The following PAX2 variants were observed in gnomAD, a reference collection of about 807,000 sequenced individuals.
The protein encoded by PAX2 is paired box 2, also known as paired box protein Pax-2.
PAX2 carries 9 observed loss-of-function variants against 41.7 expected under a neutral mutation model. The observed-to-expected ratio is 0.22, with a 90% CI of 0.13 to 0.38. The LOEUF (loss-of-function observed/expected upper bound fraction) is 0.38, where lower values mean the gene tolerates loss of function less well. PAX2 is among the 10% of genes least tolerant of loss of function. The probability of loss-of-function intolerance (pLI) is 1.00; values close to 1 mark genes in which losing one functional copy is unlikely to be tolerated. For synonymous variants in PAX2, 221 were observed against 212.7 expected, an observed-to-expected ratio of 1.04 and a Z score of -0.34; for missense variants, 418 against 531.6, an observed-to-expected ratio of 0.79 and a Z score of 2.10.
At chr10:100,807,995 C>T (rs916263465) in intron 6 of PAX2, among the ~76,000 whole-genome samples, 1 of 152,134 alleles carries the variant, frequency 6.6e-6, no homozygotes, top group Non-Finnish European at 1.5e-5. Context: ...AGGAGCTGGC[C>T]GAGGCGGGCG....
In PAX2 at chr10:100,829,024, A is replaced by AG. The variant is rs965980510; in HGVS notation, c.*1412dup. On this transcript the variant is annotated 3_prime_UTR_variant, in exon 10 of 10. Coordinates refer to ENST00000355243, the MANE Select transcript of PAX2 (RefSeq NM_000278.5). ...GAGAGTCGCCGCTCGCTGGGGGGGA[A>AG]GGGGGGGACACAGCTACACGCCCAT... 1.0e-5 allele frequency: 2 copies of AG among 195,072 alleles called. No individual in the cohort carries two copies. The highest frequency in any genetic ancestry group is 2.1e-5 in the Non-Finnish European group (2 of 95,298). 12.1% of individuals were successfully genotyped at this position (195,072 alleles called of 1,614,324 possible). A position where few individuals can be genotyped will look rare whatever the true frequency, so the allele number is the denominator to read the frequency against.
At position 100,748,428 on chromosome 10, in the gene PAX2, C is replaced by G. The variant is rs768039697; in HGVS notation, c.44-1318C>G. 1 of 985,162 alleles carries G rather than the reference C, an allele frequency of 1.0e-6. No homozygotes were observed. The highest frequency in any genetic ancestry group is 1.2e-6 in the Non-Finnish European group (1 of 829,864). The allele number at this position is 985,162 out of a possible 1,614,324, so 61.0% of individuals were successfully genotyped here. ...TTCACCGAGCTTGCTCTAGGTACCC[C>G]CCGAGAAAGGGAGGGGAGAGAAATG... On this transcript the variant is annotated intron_variant, in intron 1 of 9. Transcript: ENST00000355243. The surrounding 1 kb of genome is among the most constrained non-coding windows in gnomAD (Gnocchi z 5.0).
chr10:100,764,584 G>GA (rs1845954595), intron 3 of PAX2, among the ~76,000 whole-genome samples: 1 of 152,052 alleles, frequency 6.6e-6, no homozygotes, highest in African/African-American at 2.4e-5. Context: ...TGTATTTCCA[G>GA]AAAAAAAGAC....
At chr10:100,808,526 C>T (rs529761455) in intron 6 of PAX2, among the ~76,000 whole-genome samples, 1 of 152,330 alleles carries the variant, frequency 6.6e-6, no homozygotes, top group South Asian at 2.1e-4. Context: ...AGGCAGGACA[C>T]CCTTTCAGAG....
chr10:100,795,765 G>T (rs577314675), intron 5 of PAX2, among the ~76,000 whole-genome samples: 1 of 152,312 alleles, frequency 6.6e-6, no homozygotes, highest in African/African-American at 2.4e-5. Flanking sequence ...TTAGGGTCCT[G>T]TGTGGACCTG....
At chr10:100,798,481 A>G (rs1353976121) in intron 5 of PAX2, among the ~76,000 whole-genome samples, 1 of 151,962 alleles carries the variant, frequency 6.6e-6, no homozygotes, top group African/African-American at 2.4e-5. Context: ...CTGAATGTCC[A>G]GTTTAAAGAT....
intron 5 of PAX2, among the ~76,000 whole-genome samples, chr10:100,788,782 C>G (rs769112583): frequency 6.6e-6 from 1 of 151,994 alleles, no homozygotes; most frequent in Non-Finnish European, 1.5e-5. Context: ...GGAGACTTGG[C>G]GAGGTTGCAC....
intron 7 of PAX2, among the ~76,000 whole-genome samples, chr10:100,817,402 C>G (rs1184310442): frequency 6.6e-6 from 1 of 152,238 alleles, no homozygotes; most frequent in Non-Finnish European, 1.5e-5. Context: ...AGCTGCATTT[C>G]CATCCATGGT....
At chr10:100,793,049 G>A (rs996532683) in intron 5 of PAX2, among the ~76,000 whole-genome samples, 11 of 152,200 alleles carry the variant, frequency 7.2e-5, no homozygotes, top group African/African-American at 1.9e-4. Context: ...GTAATTTTTC[G>A]CCTTGCTTGT....
chr10:100,810,040 C>G (rs1228972189), intron 7 of PAX2, among the ~76,000 whole-genome samples: 1 of 152,068 alleles, frequency 6.6e-6, no homozygotes, highest in Admixed American at 6.6e-5. Context: ...TATTAAAATT[C>G]ACCTAATTAT....
intron 5 of PAX2, among the ~76,000 whole-genome samples, chr10:100,805,092 C>T (rs1256504836): frequency 6.7e-6 from 1 of 148,776 alleles, no homozygotes; most frequent in Admixed American, 6.7e-5. Context: ...TGCTTTCCCA[C>T]CCCCTCCAGA....
At chr10:100,785,103 G>A (rs1208085403) in intron 5 of PAX2, among the ~76,000 whole-genome samples, 6 of 152,222 alleles carry the variant, frequency 3.9e-5, no homozygotes, top group Non-Finnish European at 2.9e-5. Context: ...GGGCATGTTA[G>A]TGCTGGATTC....
Position 100,745,668 on chromosome 10 carries a change from C to G in PAX2, c.-593C>G, listed in dbSNP as rs1376730895. 2.1e-5 allele frequency: 18 copies of G among 845,862 alleles called. No individual in the cohort carries two copies. The highest frequency in any genetic ancestry group is 2.6e-5 in the Non-Finnish European group (18 of 691,332). The allele number at this position is 845,862 out of a possible 1,614,324, so 52.4% of individuals were successfully genotyped here. On this transcript the variant is annotated 5_prime_UTR_variant, in exon 1 of 10. Coordinates refer to ENST00000355243, the MANE Select transcript of PAX2 (RefSeq NM_000278.5). ...GCCGCTCGGCTCCCTCCCTCCCTCC[C>G]GGCCCTTCGGCCGCGGCGGCGTGCG...
intron 3 of PAX2, among the ~76,000 whole-genome samples, chr10:100,767,908 G>A (rs544292538): frequency 9.9e-5 from 15 of 152,250 alleles, no homozygotes; most frequent in Non-Finnish European, 1.6e-4. Flanking sequence ...AATGGAAGGA[G>A]ACTGAAGACA....
intron 7 of PAX2, among the ~76,000 whole-genome samples, chr10:100,819,203 GCA>G (rs1848293162): frequency 6.7e-6 from 1 of 150,364 alleles, no homozygotes; most frequent in Non-Finnish European, 1.5e-5. Flanking sequence ...AGTGGAGATT[GCA>G]CCACTGCACT....
intron 1 of PAX2, among the ~76,000 whole-genome samples, chr10:100,736,858 C>T (rs1307634953): frequency 1.3e-5 from 2 of 152,096 alleles, no homozygotes; most frequent in Non-Finnish European, 2.9e-5. Flanking sequence ...TTAATTATGG[C>T]AAAATTAAAA....
chr10:100,739,662 C>G (rs1296543415), intron 1 of PAX2, among the ~76,000 whole-genome samples: 2 of 152,222 alleles, frequency 1.3e-5, no homozygotes, highest in Non-Finnish European at 2.9e-5. Flanking sequence ...GCCCTGCTCT[C>G]CGTTCCCTTT....
At position 100,750,863 on chromosome 10, in the gene PAX2, A is replaced by G. The variant is rs753208205; in HGVS notation, c.382A>G (p.Thr128Ala). The G allele has an allele frequency of 4.3e-6, 7 of 1,613,588 alleles. No homozygotes were observed. Among genetic ancestry groups the G allele is most frequent in the Non-Finnish European group, 5.1e-6 (6 of 1,179,832 alleles). The change falls in exon 3 of 10, where the codon ACA becomes GCA. Residue 128 changes from threonine (T) to alanine (A), a missense_variant. Thr to Ala is a moderately conservative substitution (Grantham distance 58). Coordinates refer to ENST00000355243, the MANE Select transcript of PAX2 (RefSeq NM_000278.5). The surrounding 1 kb of genome is among the most constrained non-coding windows in gnomAD (Gnocchi z 4.1). Reference sequence around the variant, plus strand: ...GGCCGAGGGCATCTGTGACAATGACACAGTGCCCAGCGTCTCTTCCATCAA... The same window carrying G: ...GGCCGAGGGCATCTGTGACAATGACGCAGTGCCCAGCGTCTCTTCCATCAA... Reference protein sequence around the residue: ...LLAEGICDNDTVPSVSSINRI... With the variant: ...LLAEGICDNDAVPSVSSINRI...
intron 7 of PAX2, among the ~76,000 whole-genome samples, chr10:100,820,650 G>T (rs1162035149): frequency 6.6e-6 from 1 of 152,206 alleles, no homozygotes; most frequent in East Asian, 1.9e-4. Context: ...GGAGGCGGAG[G>T]TTGCAGTGAG....
Sources: gnomAD v4.1 joint callset for allele counts (sites outside exome capture counted in the v4.1 genomes callset) on GRCh38, gnomAD v4.1.1 for gene constraint, Gnocchi (gnomAD v3.1) non-coding constraint, MANE v1.5 for transcripts, NCBI Gene and HGNC (gene_info 2026-07-23, HGNC 2026-07-21) for gene names.